Variants in RPTOR observed in about 807,000 individuals in gnomAD.
RPTOR encodes regulatory associated protein of MTOR complex 1, also known as regulatory-associated protein of mTOR.
Under a neutral mutation model 169.9 loss-of-function variants are expected in RPTOR, and 21 were observed. The observed-to-expected ratio is 0.12, with a 90% CI of 0.09 to 0.18. RPTOR has a LOEUF of 0.18. Ranked by LOEUF, RPTOR falls within the 10% of genes least tolerant of loss-of-function variation. The pLI, the probability that RPTOR is intolerant of heterozygous loss-of-function variation, is 1.00. For synonymous variants in RPTOR, 732 were observed against 753.2 expected (o/e 0.97, Z 0.46); for missense variants, 1,133 against 1,855.9 (o/e 0.61, Z 7.16).
chr17:80,730,717 T>G lies in RPTOR; in HGVS notation c.654+11T>G. On this transcript the variant is annotated intron_variant, in intron 5 of 33. Coordinates refer to ENST00000306801, the MANE Select transcript of RPTOR (RefSeq NM_020761.3). The surrounding 1 kb of genome is among the most constrained non-coding windows in gnomAD (Gnocchi z 4.2). ...GAGCAGGAGCTGGAGGTGAGCGCTCTGGTGCTTGGAGAGCGGTGCTGGGTT... is the reference window on the plus strand; with the variant it reads ...GAGCAGGAGCTGGAGGTGAGCGCTCGGGTGCTTGGAGAGCGGTGCTGGGTT... 7.4e-7 allele frequency: 1 copy of G among 1,358,246 alleles called. No homozygotes were observed. Among genetic ancestry groups the G allele is most frequent in the Non-Finnish European group, 9.8e-7 (1 of 1,020,178 alleles). 84.1% of individuals were successfully genotyped at this position (1,358,246 alleles called of 1,614,324 possible). A position where few individuals can be genotyped will look rare whatever the true frequency, so the allele number is the denominator to read the frequency against.
intron 3 of RPTOR, among the ~76,000 whole-genome samples, chr17:80,685,164 C>T (rs1347328543): frequency 1.3e-5 from 2 of 151,954 alleles, no homozygotes; most frequent in Non-Finnish European, 2.9e-5. Context: ...CATTCAGGGT[C>T]GCACCTCATT....
In RPTOR at chr17:80,857,885, C is replaced by A. The variant is rs1266379879; in HGVS notation, c.1494C>A (p.Ile498=). 1.2e-5 allele frequency: 19 copies of A among 1,613,202 alleles called. No homozygotes were observed. The highest frequency in any genetic ancestry group is 1.7e-5 in the Admixed American group (1 of 60,020). The part of the protein sequence containing the change: ...RPLLVFIWAK[I]LAVDSSCQAD... ...TTCTCGTTTTCATCTGGGCCAAGAT[C>A]CTCGCAGTGGACAGCGTGAGTATCC... Residue 498 remains isoleucine, a synonymous_variant, in exon 13 of 34, where the codon ATC becomes ATA. Coordinates refer to ENST00000306801, the MANE Select transcript of RPTOR (RefSeq NM_020761.3).
chr17:80,931,103 C>T (rs1035783222), intron 24 of RPTOR, among the ~76,000 whole-genome samples: 1 of 152,188 alleles, frequency 6.6e-6, no homozygotes, highest in African/African-American at 2.4e-5. Flanking sequence ...GCAGTTCCTT[C>T]GGCCTCAAGC....
At chr17:80,933,609 A>T (rs1335029050) in intron 24 of RPTOR, among the ~76,000 whole-genome samples, 1 of 152,226 alleles carries the variant, frequency 6.6e-6, no homozygotes, top group Non-Finnish European at 1.5e-5. Flanking sequence ...TGACAAGCTG[A>T]TACTAAAATT....
intron 3 of RPTOR, among the ~76,000 whole-genome samples, chr17:80,671,205 G>A (rs1227516018): frequency 2.0e-5 from 3 of 152,204 alleles, no homozygotes; most frequent in Non-Finnish European, 4.4e-5. Context: ...AGTGCCCTCT[G>A]CAGCCTGTGC....
At position 80,659,835 on chromosome 17, in the gene RPTOR, A is replaced by C. The variant is rs944174123; in HGVS notation, c.348+16025A>C. On this transcript the variant is annotated intron_variant, in intron 3 of 33. Coordinates refer to ENST00000306801, the MANE Select transcript of RPTOR (RefSeq NM_020761.3). This position sits in a 1 kb window ranked among gnomAD's most constrained non-coding sequence, Gnocchi z 4.3. ...TAATTTAAAAAATTTTTTTGTAGAG[A>C]TAAGGTCTTGCTCTGTTGCTCAGGC... is the stretch of plus-strand genomic sequence containing the variant. 2.0e-5 allele frequency among the ~76,000 whole-genome samples: 3 copies of C among 152,002 alleles called. No homozygotes were observed. The highest frequency in any genetic ancestry group is 2.0e-4 in the Admixed American group (3 of 15,276).
chr17:80,676,563 C>T (rs962894343), intron 3 of RPTOR, among the ~76,000 whole-genome samples: 1 of 152,182 alleles, frequency 6.6e-6, no homozygotes, highest in Non-Finnish European at 1.5e-5. Flanking sequence ...GCCCTGTCTC[C>T]GCAGTGAGTG....
At chr17:80,833,316 G>A (rs1380933097) in intron 9 of RPTOR, among the ~76,000 whole-genome samples, 2 of 152,180 alleles carry the variant, frequency 1.3e-5, no homozygotes, top group Non-Finnish European at 2.9e-5. Flanking sequence ...AGCTGCTGGG[G>A]GGGAGGAGCC....
At chr17:80,950,496 C>T (rs1688750193) in intron 28 of RPTOR, among the ~76,000 whole-genome samples, 3 of 152,026 alleles carry the variant, frequency 2.0e-5, no homozygotes. Flanking sequence ...TTGCCTCGAA[C>T]GTTGGATTTT....
At chr17:80,602,874 C>G in intron 1 of RPTOR, 1 of 495,052 alleles carries the variant, frequency 2.0e-6, no homozygotes, top group Non-Finnish European at 3.7e-6. Flanking sequence ...CACCACCTCG[C>G]TGATTGCAGA....
In RPTOR at chr17:80,659,848, C is replaced by G. The variant is rs1039918323; in HGVS notation, c.348+16038C>G. On this transcript the variant is annotated intron_variant, in intron 3 of 33. Transcript: ENST00000306801. The surrounding 1 kb of genome is among the most constrained non-coding windows in gnomAD (Gnocchi z 4.3). ...TTTTTTGTAGAGATAAGGTCTTGCT[C>G]TGTTGCTCAGGCTGGTCTCAAACTC... 6.6e-6 allele frequency among the ~76,000 whole-genome samples: 1 copy of G among 152,180 alleles called. No individual in the cohort carries two copies. The highest frequency in any genetic ancestry group is 2.4e-5 in the African/African-American group (1 of 41,440).
intron 9 of RPTOR, among the ~76,000 whole-genome samples, chr17:80,824,882 G>C (rs1280710089): frequency 6.6e-6 from 1 of 152,276 alleles, no homozygotes; most frequent in East Asian, 1.9e-4. Context: ...AGAGCACAGA[G>C]AGGAGCCAGG....
chr17:80,545,601 C>T lies in RPTOR; in HGVS notation c.-29C>T. The T allele has an allele frequency of 6.4e-7, 1 of 1,565,404 alleles. No homozygotes were observed. The highest frequency in any genetic ancestry group is 8.7e-7 in the Non-Finnish European group (1 of 1,153,310). ...CTGGAGGTTCTCGAGCGCTTGCTGC[C>T]AAGGACTCCCCCACCCCCTCCCCCA... On this transcript the variant is annotated 5_prime_UTR_variant, in exon 1 of 34. Coordinates refer to ENST00000306801, the MANE Select transcript of RPTOR (RefSeq NM_020761.3).
intron 9 of RPTOR, among the ~76,000 whole-genome samples, chr17:80,829,796 C>T (rs573828631): frequency 3.3e-5 from 5 of 152,262 alleles, no homozygotes; most frequent in Admixed American, 6.5e-5. Context: ...GGTCTGACAT[C>T]GTGTCTTCTT....
At position 80,774,658 on chromosome 17, in the gene RPTOR, A is replaced by G. The variant is rs539102005; in HGVS notation, c.831-16792A>G. 1.1e-3 allele frequency among the ~76,000 whole-genome samples: 164 copies of G among 152,308 alleles called. 2 individuals carry two copies. Among genetic ancestry groups the G allele is most frequent in the Middle Eastern group, 6.8e-3 (2 of 294 alleles). On this transcript the variant is annotated intron_variant, in intron 6 of 33. Transcript: ENST00000306801. ...TTGATGCCGTGCCGTACTTTACACGAGAACCAGCTTCCCGTTGGGGACTTT... is the reference window on the plus strand; with the variant it reads ...TTGATGCCGTGCCGTACTTTACACGGGAACCAGCTTCCCGTTGGGGACTTT...
intron 10 of RPTOR, among the ~76,000 whole-genome samples, chr17:80,841,853 G>A (rs1392087299): frequency 9.0e-5 from 10 of 110,704 alleles, no homozygotes; most frequent in African/African-American, 2.7e-4. Context: ...CACACTCACC[G>A]CACGGCAGCT....
chr17:80,885,331 G>A (rs917166974), intron 17 of RPTOR, among the ~76,000 whole-genome samples, 183 bp downstream of exon 17: 2 of 152,236 alleles, frequency 1.3e-5, no homozygotes, highest in Admixed American at 6.5e-5. Flanking sequence ...AGACACCCAT[G>A]GGTTTGCTTC....
At position 80,962,466 on chromosome 17, in the gene RPTOR, A is replaced by T; in HGVS notation, c.3698A>T (p.Asn1233Ile). 1.2e-6 allele frequency: 2 copies of T among 1,613,620 alleles called. No individual in the cohort carries two copies. The highest frequency in any genetic ancestry group is 1.7e-6 in the Non-Finnish European group (2 of 1,179,760). Residue 1233 changes from asparagine to isoleucine, a missense_variant, in exon 32 of 34, where the codon AAT (asparagine) becomes ATT (isoleucine). Physicochemically the swap from Asn to Ile is moderately radical, Grantham distance 149. Around this residue, in one of 9 missense-constraint regions of RPTOR, gnomAD observed 410 missense variants for 623.7 expected, o/e 0.66. Transcript: ENST00000306801. The stretch of plus-strand genomic sequence containing the variant: ...CTGTGACCCTCTCTTGGCAGCGTCA[A>T]TGGAGATGTGCGCATCTTTGATCCC... ...PDGHIVSVSV[N>I]GDVRIFDPRM... is the part of the protein sequence containing the mutation.
chr17:80,681,590 G>A (rs922387656), intron 3 of RPTOR, among the ~76,000 whole-genome samples: 2 of 138,216 alleles, frequency 1.4e-5, no homozygotes, highest in African/African-American at 5.2e-5. Context: ...TGAGGTGTAC[G>A]TCTCTTACAC....
Sources: gnomAD v4.1 joint callset for allele counts (sites outside exome capture counted in the v4.1 genomes callset) on GRCh38, gnomAD v4.1.1 for gene constraint, gnomAD v4.1.1 regional missense constraint, Gnocchi (gnomAD v3.1) non-coding constraint, MANE v1.5 for transcripts, NCBI Gene and HGNC (gene_info 2026-07-23, HGNC 2026-07-21) for gene names.